BLTP3A: variants seen among roughly 807,000 people sequenced by gnomAD.
The protein encoded by BLTP3A is bridge-like lipid transfer protein family member 3A.
At chr6:34,839,207 G>T in the BLTP3A span, among the ~76,000 whole-genome samples, 1 of 152,192 alleles carries the variant, frequency 6.6e-6, no homozygotes, top group African/African-American at 2.4e-5. Context: ...CCGAGATGGC[G>T]CCATTGCACT....
At chr6:34,864,244 G>A in the BLTP3A span, 2 of 1,570,902 alleles carry the variant, frequency 1.3e-6, no homozygotes, top group South Asian at 2.3e-5. Context: ...TCCAGAAAGG[G>A]TTCTCTCTGC....
the BLTP3A span, among the ~76,000 whole-genome samples, chr6:34,829,583 A>T: frequency 6.6e-6 from 1 of 151,696 alleles, no homozygotes; most frequent in Admixed American, 6.6e-5. Context: ...CCATTCCATT[A>T]CCTGAATATG....
the BLTP3A span, chr6:34,859,389 G>A: frequency 3.9e-4 from 633 of 1,614,146 alleles, 1 homozygote; most frequent in African/African-American, 7.3e-3. Context: ...TCATCCCCTT[G>A]AAGAACATTG....
At chr6:34,871,638 G>A in the BLTP3A span, 1 of 1,614,030 alleles carries the variant, frequency 6.2e-7, no homozygotes, top group Non-Finnish European at 8.5e-7. Context: ...CATCACTCTG[G>A]CCATGGAACA....
chr6:34,858,831 T>C, the BLTP3A span: 2 of 1,614,042 alleles, frequency 1.2e-6, no homozygotes, highest in East Asian at 4.5e-5. Context: ...CCCCGGCCCA[T>C]GTCCGCGTGA....
chr6:34,799,251 C>G, the BLTP3A span, among the ~76,000 whole-genome samples: 2 of 152,254 alleles, frequency 1.3e-5, no homozygotes, highest in African/African-American at 4.8e-5. Context: ...CTAGGCTACC[C>G]TAGATATTAA....
At chr6:34,823,569 G>A in the BLTP3A span, among the ~76,000 whole-genome samples, 2 of 148,156 alleles carry the variant, frequency 1.3e-5, no homozygotes, top group Non-Finnish European at 3.0e-5. Context: ...CTGGGATAGG[G>A]TCTTGCTCTG....
the BLTP3A span, among the ~76,000 whole-genome samples, chr6:34,837,004 T>G: frequency 2.0e-5 from 3 of 152,256 alleles, no homozygotes; most frequent in East Asian, 3.8e-4. Context: ...GATGTCTCAC[T>G]CATTACCTCA....
At chr6:34,865,077 C>T in the BLTP3A span, among the ~76,000 whole-genome samples, 2 of 152,180 alleles carry the variant, frequency 1.3e-5, no homozygotes. Context: ...CACACACATA[C>T]AGTGTGGGAT....
chr6:34,858,629 G>A, the BLTP3A span: 2 of 1,614,180 alleles, frequency 1.2e-6, no homozygotes, highest in Admixed American at 3.3e-5. Context: ...AGTTTTGGAA[G>A]TCCTGTCCAG....
At chr6:34,863,874 G>A in the BLTP3A span, 1 of 871,458 alleles carries the variant, frequency 1.1e-6, no homozygotes, top group Non-Finnish European at 1.7e-6. Context: ...TAATGTCAAA[G>A]TTGTATGTTC....
At chr6:34,815,944 C>T in the BLTP3A span, among the ~76,000 whole-genome samples, 3 of 152,170 alleles carry the variant, frequency 2.0e-5, no homozygotes, top group Non-Finnish European at 4.4e-5. Context: ...CCGTGCCCGG[C>T]CTGCATTTTA....
the BLTP3A span, among the ~76,000 whole-genome samples, chr6:34,795,296 G>T: frequency 1.3e-5 from 2 of 151,136 alleles, no homozygotes; most frequent in Non-Finnish European, 1.5e-5. Context: ...GCCCATGCTG[G>T]TCTTGAACTC....
At chr6:34,832,126 T>TC in the BLTP3A span, among the ~76,000 whole-genome samples, 4 of 150,380 alleles carry the variant, frequency 2.7e-5, no homozygotes, top group Admixed American at 6.6e-5. Flanking sequence ...TTTCTTTCTT[T>TC]TTTTTTTTTT....
At chr6:34,858,868 C>G in the BLTP3A span, 2 of 1,614,182 alleles carry the variant, frequency 1.2e-6, no homozygotes, top group African/African-American at 1.3e-5. Flanking sequence ...GTACTTGGCT[C>G]TGCTTCGCCT....
chr6:34,801,905 T>G, the BLTP3A span, among the ~76,000 whole-genome samples: 1 of 151,892 alleles, frequency 6.6e-6, no homozygotes, highest in Non-Finnish European at 1.5e-5. Flanking sequence ...ACCTGGCTAG[T>G]TTTTTGTATT....
chr6:34,866,075 A>G, the BLTP3A span, among the ~76,000 whole-genome samples: 1 of 152,188 alleles, frequency 6.6e-6, no homozygotes, highest in Non-Finnish European at 1.5e-5. Flanking sequence ...TTAGACAGCA[A>G]TTAAACTTGT....
chr6:34,871,995 G>T, the BLTP3A span: 1 of 1,471,726 alleles, frequency 6.8e-7, no homozygotes. Context: ...GGTAAAACCC[G>T]GGGTTGGGGG....
chr6:34,867,544 C>T, the BLTP3A span: 1 of 1,614,076 alleles, frequency 6.2e-7, no homozygotes. Context: ...TGTGGCCCTG[C>T]AAGCAGAGGA....
Sources: allele counts gnomAD v4.1 joint callset (sites outside exome capture counted in the v4.1 genomes callset), GRCh38; gene constraint gnomAD v4.1.1; transcripts MANE v1.5; gene names NCBI Gene and HGNC (gene_info 2026-07-23, HGNC 2026-07-21).